SORCS2: variants seen among roughly 807,000 people sequenced by gnomAD.
The protein encoded by SORCS2 is VPS10 domain-containing receptor SorCS2.
Under a neutral mutation model 141.6 loss-of-function variants are expected in SORCS2, and 100 were observed. The observed-to-expected ratio is 0.71, with a 90% CI of 0.60 to 0.83. The LOEUF is 0.83. SORCS2 is among the 40% of genes least tolerant of loss of function. The pLI is 0.00. For synonymous variants in SORCS2, 789 were observed against 676.9 expected, an observed-to-expected ratio of 1.17 and a Z score of -2.57; for missense variants, 1,646 against 1,560.2, an observed-to-expected ratio of 1.05 and a Z score of -0.93.
At chr4:7,733,045 C>T (rs1448358773) in intron 23 of SORCS2, among the ~76,000 whole-genome samples, 9 of 150,978 alleles carry the variant, frequency 6.0e-5, no homozygotes, top group Non-Finnish European at 1.2e-4. Flanking sequence ...TCTCCCCACC[C>T]CTCTGGTGGA....
chr4:7,400,718 A>C (rs184299309), intron 2 of SORCS2, among the ~76,000 whole-genome samples: 1 of 148,306 alleles, frequency 6.7e-6, no homozygotes, highest in Non-Finnish European at 1.5e-5. Flanking sequence ...TGGATGGATG[A>C]ATGGATGGAT....
intron 2 of SORCS2, among the ~76,000 whole-genome samples, chr4:7,529,706 A>G (rs1433936583): frequency 6.6e-6 from 1 of 152,222 alleles, no homozygotes; most frequent in Non-Finnish European, 1.5e-5. Context: ...TGTTTCTGCA[A>G]GGGCCTTGGA....
chr4:7,366,167 G>C (rs529625278), intron 1 of SORCS2, among the ~76,000 whole-genome samples: 1 of 152,076 alleles, frequency 6.6e-6, no homozygotes, highest in Non-Finnish European at 1.5e-5. Context: ...GGCAGGCCCC[G>C]TCATCTCGAA....
At position 7,664,315 on chromosome 4, in the gene SORCS2, G is replaced by A. The variant is rs771883084; in HGVS notation, c.953-38G>A. ...TCTCGGGCCGTCTCTGGCTCCGGCT[G>A]GAGTCTGACCGCCTGGGTCGGCGCC... is the stretch of plus-strand genomic sequence containing the variant. On this transcript the variant is annotated intron_variant, in intron 6 of 26. Coordinates refer to ENST00000507866, the MANE Select transcript of SORCS2 (RefSeq NM_020777.3). This position sits in a 1 kb window ranked among gnomAD's most constrained non-coding sequence, Gnocchi z 4.7. 1 of 1,566,834 alleles carries A rather than the reference G, an allele frequency of 6.4e-7. No individual in the cohort carries two copies. Among genetic ancestry groups the A allele is most frequent in the South Asian group, 1.1e-5 (1 of 88,628 alleles).
chr4:7,653,212 C>T (rs772016727), intron 4 of SORCS2, among the ~76,000 whole-genome samples: 4 of 152,210 alleles, frequency 2.6e-5, no homozygotes, highest in African/African-American at 4.8e-5. Flanking sequence ...TCTCTTGCCC[C>T]CTCAGCCTTC....
chr4:7,528,229 C>T (rs774032817), intron 2 of SORCS2, among the ~76,000 whole-genome samples: 7 of 152,110 alleles, frequency 4.6e-5, no homozygotes, highest in African/African-American at 1.2e-4. Flanking sequence ...TTCCTAGGCC[C>T]GTAGTATGGG....
intron 1 of SORCS2, among the ~76,000 whole-genome samples, chr4:7,288,398 G>A (rs1052163605): frequency 2.6e-5 from 4 of 152,050 alleles, no homozygotes; most frequent in African/African-American, 9.7e-5. Flanking sequence ...TGGGGCTGCT[G>A]TAAGGAAACA....
chr4:7,740,336 C>A lies in SORCS2; in HGVS notation c.*72C>A. 2 of 1,413,950 alleles carry A rather than the reference C, an allele frequency of 1.4e-6. No individual in the cohort carries two copies. The highest frequency in any genetic ancestry group is 2.0e-6 in the Non-Finnish European group (2 of 1,022,818). The allele number at this position is 1,413,950 out of a possible 1,614,324, so 87.6% of individuals were successfully genotyped here. ...CCAGCAAAGCCGGCGGCTGGACTGGCGCCCCTCAGAGACCTGCGGAAAGCC... is the reference window on the plus strand; with the variant it reads ...CCAGCAAAGCCGGCGGCTGGACTGGAGCCCCTCAGAGACCTGCGGAAAGCC... On this transcript the variant is annotated 3_prime_UTR_variant, in exon 27 of 27. Transcript: ENST00000507866.
chr4:7,438,436 T>C (rs1050985304), intron 2 of SORCS2, among the ~76,000 whole-genome samples: 5 of 152,260 alleles, frequency 3.3e-5, no homozygotes, highest in African/African-American at 1.2e-4. Flanking sequence ...CCACTTGTAA[T>C]TAATAAGCAA....
At chr4:7,527,306 C>A (rs1270440613) in intron 2 of SORCS2, among the ~76,000 whole-genome samples, 4 of 152,236 alleles carry the variant, frequency 2.6e-5, no homozygotes, top group African/African-American at 7.2e-5. Flanking sequence ...GGGGACTTTG[C>A]AGATGGATTA....
chr4:7,414,394 G>A (rs1468234779), intron 2 of SORCS2, among the ~76,000 whole-genome samples: 1 of 152,226 alleles, frequency 6.6e-6, no homozygotes, highest in Non-Finnish European at 1.5e-5. Flanking sequence ...GCAGGGAAGG[G>A]CAAGTGGAAC....
intron 3 of SORCS2, among the ~76,000 whole-genome samples, chr4:7,615,665 T>G (rs1718711177): frequency 6.6e-6 from 1 of 152,222 alleles, no homozygotes; most frequent in South Asian, 2.1e-4. Flanking sequence ...CAACTGTTCT[T>G]CATCCTTCCA....
chr4:7,312,174 C>T lies in SORCS2; in HGVS notation c.481-84114C>T, dbSNP rs187488490. Among the ~76,000 whole-genome samples, 21 of 152,306 alleles carry T rather than the reference C, an allele frequency of 1.4e-4. No individual in the cohort carries two copies. The East Asian group carries it at 3.3e-3, about 24-fold the overall frequency. Reference sequence around the variant, plus strand: ...ATAGGCATGAGCCACCGCACCCAGCCGTCTTTTTCATTCTCTTAACGGTGG... The same window carrying T: ...ATAGGCATGAGCCACCGCACCCAGCTGTCTTTTTCATTCTCTTAACGGTGG... On this transcript the variant is annotated intron_variant, in intron 1 of 26. Transcript: ENST00000507866.
At chr4:7,452,094 C>G (rs774373688) in intron 2 of SORCS2, among the ~76,000 whole-genome samples, 1 of 152,104 alleles carries the variant, frequency 6.6e-6, no homozygotes, top group Non-Finnish European at 1.5e-5. Flanking sequence ...GCCACACACC[C>G]GATACCACTG....
intron 1 of SORCS2, among the ~76,000 whole-genome samples, chr4:7,221,745 G>T (rs1211172920): frequency 6.6e-6 from 1 of 152,250 alleles, no homozygotes; most frequent in Non-Finnish European, 1.5e-5. Flanking sequence ...GGAGCGGGCA[G>T]CTCATTCTGT....
Position 7,286,905 on chromosome 4 carries a change from C to A in SORCS2, c.480+93779C>A, listed in dbSNP as rs762502296. ...GAGCTTCAGTAGCTGAAAGTGGGTCCGAGTGAGGAGACACAAGTCAGCAGA... is the reference window on the plus strand; with the variant it reads ...GAGCTTCAGTAGCTGAAAGTGGGTCAGAGTGAGGAGACACAAGTCAGCAGA... On this transcript the variant is annotated intron_variant, in intron 1 of 26. Coordinates refer to ENST00000507866, the MANE Select transcript of SORCS2 (RefSeq NM_020777.3). The surrounding 1 kb of genome is among the most constrained non-coding windows in gnomAD (Gnocchi z 4.1). Among the ~76,000 whole-genome samples, 5 of 152,122 alleles carry A rather than the reference C, an allele frequency of 3.3e-5. No homozygotes were observed. The highest frequency in any genetic ancestry group is 7.4e-5 in the Non-Finnish European group (5 of 68,020).
intron 3 of SORCS2, among the ~76,000 whole-genome samples, chr4:7,583,183 A>T (rs78202514): frequency 0.11 from 16,292 of 152,098 alleles, 942 homozygotes; most frequent in East Asian, 0.14. Flanking sequence ...TGTCTTTCTG[A>T]CCCCATTTCA....
At chr4:7,718,590 A>C (rs1726362021) in intron 18 of SORCS2, among the ~76,000 whole-genome samples, 1 of 152,246 alleles carries the variant, frequency 6.6e-6, no homozygotes, top group Admixed American at 6.5e-5. Context: ...AAAAACAGAA[A>C]GTTAAAAACG....
At chr4:7,691,532 C>T (rs915478019) in intron 11 of SORCS2, among the ~76,000 whole-genome samples, 1 of 152,130 alleles carries the variant, frequency 6.6e-6, no homozygotes, top group Middle Eastern at 3.2e-3. Flanking sequence ...AGCCCTTCAG[C>T]TTCCGGAGTT....
Sources: allele counts gnomAD v4.1 joint callset (sites outside exome capture counted in the v4.1 genomes callset), GRCh38; gene constraint gnomAD v4.1.1; non-coding constraint Gnocchi (gnomAD v3.1); transcripts MANE v1.5; gene names NCBI Gene and HGNC (gene_info 2026-07-23, HGNC 2026-07-21).